The following FGF14 variants were observed in gnomAD, a reference collection of about 807,000 sequenced individuals.
FGF14 encodes fibroblast growth factor homologous factor 4.
In FGF14, 5 loss-of-function variants were observed where a neutral mutation model predicts 25.5. That is an observed-to-expected ratio of 0.20 (90% confidence interval 0.10 to 0.41). The LOEUF is 0.41. Among genes scored for constraint, FGF14 ranks in the 10% least tolerant of loss-of-function variants. FGF14 has a pLI of 1.00. For synonymous variants in FGF14, 138 were observed against 118.3 expected, an observed-to-expected ratio of 1.17 and a Z score of -1.08; for missense variants, 222 against 320.1, an observed-to-expected ratio of 0.69 and a Z score of 2.34.
intron 3 of FGF14, among the ~76,000 whole-genome samples, chr13:101,813,414 T>C (rs746774694): frequency 3.3e-5 from 5 of 152,218 alleles, no homozygotes; most frequent in Non-Finnish European, 5.9e-5. Context: ...CCCACTCTTC[T>C]GCCATGTGAG....
At chr13:101,760,472 T>C (rs1169807788) in intron 3 of FGF14, among the ~76,000 whole-genome samples, 1 of 152,188 alleles carries the variant, frequency 6.6e-6, no homozygotes, top group Non-Finnish European at 1.5e-5. Context: ...ACAAAATCGA[T>C]GAAAAGTAAG....
intron 1 of FGF14, among the ~76,000 whole-genome samples, chr13:101,904,592 C>A (rs976769940): frequency 1.3e-5 from 2 of 152,116 alleles, no homozygotes; most frequent in Non-Finnish European, 2.9e-5. Flanking sequence ...CTGGAGAATT[C>A]ATTATAACTA....
intron 1 of FGF14, among the ~76,000 whole-genome samples, chr13:102,310,452 A>C (rs1259775191): frequency 1.3e-5 from 2 of 152,180 alleles, no homozygotes; most frequent in African/African-American, 4.8e-5. Context: ...AATAAGTATT[A>C]AAGGAGAAGA....
At chr13:101,885,207 G>C (rs893918112) in intron 1 of FGF14, among the ~76,000 whole-genome samples, 1 of 152,066 alleles carries the variant, frequency 6.6e-6, no homozygotes, top group Non-Finnish European at 1.5e-5. Context: ...CTAGAGCATG[G>C]ATTCAACTTT....
chr13:102,315,092 GTA>G (rs2055955862), intron 1 of FGF14, among the ~76,000 whole-genome samples: 1 of 151,666 alleles, frequency 6.6e-6, no homozygotes, highest in Non-Finnish European at 1.5e-5. Context: ...GTACAAACAT[GTA>G]TATATGTTTG....
At chr13:101,821,248 C>T (rs902277469) in intron 3 of FGF14, among the ~76,000 whole-genome samples, 6 of 152,096 alleles carry the variant, frequency 3.9e-5, no homozygotes, top group African/African-American at 1.2e-4. Flanking sequence ...GCGCCCGGCC[C>T]AAATTTTGCT....
intron 1 of FGF14, among the ~76,000 whole-genome samples, chr13:102,186,721 A>C (rs1013117314): frequency 1.3e-5 from 2 of 152,190 alleles, no homozygotes; most frequent in Non-Finnish European, 2.9e-5. Context: ...CATAGGGGGA[A>C]CATAAGAGCG....
chr13:102,204,500 T>C (rs927519528), intron 1 of FGF14, among the ~76,000 whole-genome samples: 3 of 152,088 alleles, frequency 2.0e-5, no homozygotes, highest in African/African-American at 4.8e-5. Context: ...TTGGTGCAGG[T>C]TCAAACATTT....
intron 1 of FGF14, among the ~76,000 whole-genome samples, chr13:102,379,880 C>T (rs982891203): frequency 6.6e-6 from 1 of 152,018 alleles, no homozygotes; most frequent in African/African-American, 2.4e-5. Context: ...AAACCAAGAG[C>T]CTCCAAAGTT....
intron 1 of FGF14, among the ~76,000 whole-genome samples, chr13:102,279,193 T>C (rs1043597854): frequency 3.3e-5 from 5 of 151,054 alleles, no homozygotes; most frequent in Admixed American, 6.6e-5. Context: ...TATGTTTGTA[T>C]AGATAGATAG....
chr13:101,722,724 T>TA lies in FGF14; in HGVS notation c.*106dup. 6.8e-7 allele frequency: 1 copy of TA among 1,472,566 alleles called. No individual in the cohort carries two copies. The highest frequency in any genetic ancestry group is 9.4e-7 in the Non-Finnish European group (1 of 1,059,216). 91.2% of individuals were successfully genotyped at this position (1,472,566 alleles called of 1,614,324 possible). A position where few individuals can be genotyped will look rare whatever the true frequency, so the allele number is the denominator to read the frequency against. ...TTCGGAGACAGCAAAGAATAAGCAT[T>TA]AGCTTACTTCCTGCTGCTCTTCAGC... On this transcript the variant is annotated 3_prime_UTR_variant, in exon 5 of 5. Coordinates refer to ENST00000376143, the MANE Select transcript of FGF14 (RefSeq NM_004115.4).
At chr13:101,919,799 T>G (rs970304356), upstream of FGF14, among the ~76,000 whole-genome samples, 5 of 152,184 alleles carry the variant, frequency 3.3e-5, no homozygotes, top group Non-Finnish European at 4.4e-5. Context: ...CCGACGTTAA[T>G]AACACCTTGG....
chr13:102,151,880 T>A (rs1487599553), intron 1 of FGF14, among the ~76,000 whole-genome samples: 3 of 152,226 alleles, frequency 2.0e-5, no homozygotes, highest in Non-Finnish European at 4.4e-5. Context: ...TTTATATTTA[T>A]GTAACTCTAT....
At chr13:101,774,591 C>T (rs997403584) in intron 3 of FGF14, among the ~76,000 whole-genome samples, 2 of 152,154 alleles carry the variant, frequency 1.3e-5, no homozygotes, top group African/African-American at 4.8e-5. Context: ...CCTGCATAGT[C>T]TGATGTCATC....
chr13:102,271,933 T>C (rs2053266159), intron 1 of FGF14, among the ~76,000 whole-genome samples: 1 of 151,572 alleles, frequency 6.6e-6, no homozygotes, highest in African/African-American at 2.4e-5. Context: ...CCCAACCCAA[T>C]AGTCTATTCT....
chr13:101,887,225 TG>T (rs1287518659), intron 1 of FGF14, among the ~76,000 whole-genome samples: 4 of 152,108 alleles, frequency 2.6e-5, no homozygotes, highest in Admixed American at 6.6e-5. Context: ...CTCTCATGTT[TG>T]TTGTATCACT....
At chr13:101,925,094 A>G (rs928734265) in intron 1 of FGF14, among the ~76,000 whole-genome samples, 1 of 152,214 alleles carries the variant, frequency 6.6e-6, no homozygotes, top group African/African-American at 2.4e-5. Context: ...CAAAGAAAGA[A>G]TGAGAATGAG....
intron 1 of FGF14, among the ~76,000 whole-genome samples, chr13:101,922,687 G>A (rs1478310798): frequency 6.6e-6 from 1 of 151,884 alleles, no homozygotes; most frequent in East Asian, 1.9e-4. Context: ...ACAAGAAACA[G>A]CCTTATTGAA....
intron 1 of FGF14, among the ~76,000 whole-genome samples, chr13:102,058,988 T>A (rs35700852): frequency 1.3e-5 from 2 of 151,438 alleles, no homozygotes; most frequent in African/African-American, 4.9e-5. Flanking sequence ...AAGATGACTA[T>A]GTGGTCACAA....
Sources: gnomAD v4.1 joint callset for allele counts (sites outside exome capture counted in the v4.1 genomes callset) on GRCh38, gnomAD v4.1.1 for gene constraint, MANE v1.5 for transcripts, NCBI Gene and HGNC (gene_info 2026-07-23, HGNC 2026-07-21) for gene names.